Variants in HERC6 observed in about 807,000 individuals in gnomAD.
HERC6 encodes HECT and RLD domain containing E3 ubiquitin protein ligase family member 6.
Under a neutral mutation model 114.5 loss-of-function variants are expected in HERC6, and 101 were observed. That is an observed-to-expected ratio of 0.88 (90% CI 0.75 to 1.04). HERC6 has a LOEUF of 1.04. Among genes scored for constraint, HERC6 ranks in the 50% least tolerant of loss-of-function variants. The probability of loss-of-function intolerance (pLI) is 0.00; values close to 1 mark genes in which losing one functional copy is unlikely to be tolerated. For missense variants in HERC6, 1,133 were observed against 1,230.9 expected (o/e 0.92, Z 1.19); for synonymous variants, 408 against 436.2 (o/e 0.94, Z 0.81).
At chr4:88,413,353 C>A in intron 12 of HERC6, 87 bp downstream of exon 12, 17 of 835,190 alleles carry the variant, frequency 2.0e-5, no homozygotes, top group East Asian at 1.4e-4. Flanking sequence ...TAGAAGATTT[C>A]AAAATAGACA....
chr4:88,431,622 A>G (rs948647269), intron 17 of HERC6, among the ~76,000 whole-genome samples: 2 of 152,230 alleles, frequency 1.3e-5, no homozygotes, highest in Non-Finnish European at 2.9e-5. Context: ...AACTGCATAT[A>G]TTTAAGGTGT....
At chr4:88,442,192 T>C (rs1353883651) in intron 22 of HERC6, 42 bp from the exon 23 acceptor site, 11 of 1,371,712 alleles carry the variant, frequency 8.0e-6, no homozygotes, top group Non-Finnish European at 1.0e-5. Context: ...TATGTTTTAC[T>C]CTTTCTATGA....
intron 3 of HERC6, among the ~76,000 whole-genome samples, chr4:88,386,989 G>A (rs1367476762): frequency 6.6e-6 from 1 of 152,180 alleles, no homozygotes. Context: ...TGTCTTATGT[G>A]TCATTGCAAC....
chr4:88,393,467 G>A, intron 4 of HERC6, 21 bp from the exon 5 acceptor site: 2 of 1,499,928 alleles, frequency 1.3e-6, no homozygotes, highest in Non-Finnish European at 1.8e-6. Context: ...ATACTCTAGA[G>A]ATTCTGCTTT....
intron 15 of HERC6, 26 bp downstream of exon 15, chr4:88,424,728 GA>G: frequency 1.4e-6 from 2 of 1,384,268 alleles, no homozygotes; most frequent in South Asian, 1.3e-5. Context: ...TTTTTAGTAT[GA>G]AAAATTTCAA....
chr4:88,416,797 ATG>A (rs1159651374), intron 12 of HERC6, among the ~76,000 whole-genome samples: 5 of 152,038 alleles, frequency 3.3e-5, no homozygotes, highest in Admixed American at 3.3e-4. Context: ...TGGAATCTCT[ATG>A]TGTTTGCTTT....
chr4:88,428,845 CCT>C (rs1737903453), intron 16 of HERC6, 95 bp downstream of exon 16: 1 of 1,029,914 alleles, frequency 9.7e-7, no homozygotes, highest in African/African-American at 1.6e-5. Flanking sequence ...CCTGCATTTG[CCT>C]CTATGGTTAT....
chr4:88,390,969 C>T (rs1056926886), intron 4 of HERC6, 90 bp downstream of exon 4: 3 of 1,038,544 alleles, frequency 2.9e-6, no homozygotes, highest in African/African-American at 1.6e-5. Flanking sequence ...ACGCTTAAAA[C>T]AGTGGTTCCC....
chr4:88,423,907 T>G lies in HERC6; in HGVS notation c.1761T>G (p.Asn587Lys). 1 of 1,580,010 alleles carries G rather than the reference T, an allele frequency of 6.3e-7. No individual in the cohort carries two copies. The highest frequency in any genetic ancestry group is 8.6e-7 in the Non-Finnish European group (1 of 1,165,312). ...TACCAGAAAATACTTTCAACATAAATGAACTCTCCAACTTATTAAACTTTT... is the reference window on the plus strand; with the variant it reads ...TACCAGAAAATACTTTCAACATAAAGGAACTCTCCAACTTATTAAACTTTT... ...CRLPENTFNI[N>K]ELSNLLNFYI... Residue 587 changes from asparagine to lysine, a missense_variant, in exon 14 of 23, where the codon AAT becomes AAG. Coordinates refer to ENST00000264346, the MANE Select transcript of HERC6 (RefSeq NM_017912.4).
chr4:88,404,990 G>A lies in HERC6; in HGVS notation c.1207G>A (p.Ala403Thr). ...AAGAAGAAGTACTGAACATGAAATGGCTAAAAGGTGGCTCTGTCTGATAAA... is the reference window on the plus strand; with the variant it reads ...AAGAAGAAGTACTGAACATGAAATGACTAAAAGGTGGCTCTGTCTGATAAA... ...VKRRSTEHEM[A>T]KSEIRMIFSS... is the part of the protein sequence containing the mutation. The change falls in exon 9 of 23, where the codon GCT becomes ACT. Residue 403 changes from alanine (A) to threonine (T), a missense_variant. Around this residue, in one of 3 missense-constraint regions of HERC6, gnomAD observed 735 missense variants for 754.0 expected, o/e 0.97. Coordinates refer to ENST00000264346, the MANE Select transcript of HERC6 (RefSeq NM_017912.4). 6.2e-7 allele frequency: 1 copy of A among 1,612,828 alleles called. No homozygotes were observed. The highest frequency in any genetic ancestry group is 8.5e-7 in the Non-Finnish European group (1 of 1,179,324).
chr4:88,395,433 A>G (rs1477562851), intron 5 of HERC6, among the ~76,000 whole-genome samples: 1 of 152,178 alleles, frequency 6.6e-6, no homozygotes, highest in Non-Finnish European at 1.5e-5. Context: ...TTATTATGGT[A>G]TAATTGACAA....
At chr4:88,406,350 C>G (rs988307474) in intron 10 of HERC6, among the ~76,000 whole-genome samples, 11 of 152,174 alleles carry the variant, frequency 7.2e-5, no homozygotes, top group African/African-American at 2.7e-4. Flanking sequence ...CATCTTGTAC[C>G]CACTGCTGGT....
chr4:88,426,745 G>T (rs1737677689), intron 15 of HERC6, among the ~76,000 whole-genome samples: 1 of 152,202 alleles, frequency 6.6e-6, no homozygotes, highest in African/African-American at 2.4e-5. Flanking sequence ...CAAAGTGCTG[G>T]GATTACAGGC....
At chr4:88,408,436 A>G (rs1560546730) in intron 10 of HERC6, 88 bp from the exon 11 acceptor site, 3 of 791,830 alleles carry the variant, frequency 3.8e-6, no homozygotes, top group Non-Finnish European at 6.4e-6. Context: ...TGTATCTTAT[A>G]TGTAATAAAG....
At chr4:88,388,976 C>A (rs1175080358) in intron 3 of HERC6, among the ~76,000 whole-genome samples, 1 of 152,154 alleles carries the variant, frequency 6.6e-6, no homozygotes, top group African/African-American at 2.4e-5. Context: ...TGGTTTGGTA[C>A]CCCTTCAAGA....
intron 10 of HERC6, among the ~76,000 whole-genome samples, chr4:88,407,634 C>T (rs1444527323): frequency 6.6e-6 from 1 of 151,704 alleles, no homozygotes; most frequent in Non-Finnish European, 1.5e-5. Flanking sequence ...GTCTCTTGAA[C>T]TCCTGGCTTC....
intron 9 of HERC6, 64 bp downstream of exon 9, chr4:88,405,061 C>T: frequency 6.4e-7 from 1 of 1,568,694 alleles, no homozygotes. Context: ...TCATTTTATC[C>T]TAAGATAGAG....
chr4:88,379,071 C>A lies in HERC6; in HGVS notation c.150C>A (p.Asn50Lys). Residue 50 changes from asparagine to lysine, a missense_variant, in exon 1 of 23, where the codon AAC becomes AAA. Transcript: ENST00000264346. Reference protein sequence around the residue: ...TNHRVLSCGDNSRGQLGRRGA... With the variant: ...TNHRVLSCGDKSRGQLGRRGA... ...ACAGGGTCCTCTCGTGCGGAGACAA[C>A]AGCAGGGGTCAGCTGGGCCGCAGGG... 1 of 1,551,178 alleles carries A rather than the reference C, an allele frequency of 6.4e-7. No individual in the cohort carries two copies. Among genetic ancestry groups the A allele is most frequent in the South Asian group, 1.2e-5 (1 of 84,318 alleles).
rs187538773 is a variant in HERC6, at chr4:88,393,460, C to G, written c.665-28C>G. 1,977 of 1,417,914 alleles carry G rather than the reference C, an allele frequency of 1.4e-3. 40 individuals are homozygous for G. The Admixed American group carries it at 0.032, about 23-fold the overall frequency. 87.8% of individuals were successfully genotyped at this position (1,417,914 alleles called of 1,614,324 possible). A position where few individuals can be genotyped will look rare whatever the true frequency, so the allele number is the denominator to read the frequency against. On this transcript the variant is annotated intron_variant, in intron 4 of 22. Transcript: ENST00000264346. ...ATGAAATCTGAGTCTGTTTCTTATACTCTAGAGATTCTGCTTTCTTTCAAC... is the reference window on the plus strand; with the variant it reads ...ATGAAATCTGAGTCTGTTTCTTATAGTCTAGAGATTCTGCTTTCTTTCAAC...
Sources: allele counts gnomAD v4.1 joint callset (sites outside exome capture counted in the v4.1 genomes callset), GRCh38; gene constraint gnomAD v4.1.1; regional missense constraint gnomAD v4.1.1; transcripts MANE v1.5; gene names NCBI Gene and HGNC (gene_info 2026-07-23, HGNC 2026-07-21).